Variants in TSPAN13 observed in about 807,000 individuals in gnomAD.
The protein encoded by TSPAN13 is tetraspanin-13.
TSPAN13 carries 18 observed loss-of-function variants against 26.9 expected under a neutral mutation model. That is an observed-to-expected ratio of 0.67 (90% CI 0.46 to 0.99). TSPAN13 has a LOEUF of 0.99. TSPAN13 is among the 50% of genes least tolerant of loss of function. The pLI is 0.00. For missense variants in TSPAN13, 201 were observed against 249.6 expected (o/e 0.81, Z 1.31); for synonymous variants, 116 against 98.4 (o/e 1.18, Z -1.06).
In TSPAN13 at chr7:16,753,800, G is replaced by A. The variant is rs1784448615; in HGVS notation, c.-168G>A. ...GCAGGTTCCAAAGCGGGTCCGAGCC[G>A]CCGCCGCGCGCGCGCCGCGCACTGC... On this transcript the variant is annotated 5_prime_UTR_variant, in exon 1 of 6. Transcript: ENST00000262067. 6.1e-6 allele frequency: 3 copies of A among 495,638 alleles called. No homozygotes were observed. Among genetic ancestry groups the A allele is most frequent in the South Asian group, 5.0e-5 (2 of 39,974 alleles). 30.7% of individuals were successfully genotyped at this position (495,638 alleles called of 1,614,324 possible).
chr7:16,770,393 A>G (rs938888506), intron 1 of TSPAN13, among the ~76,000 whole-genome samples: 4 of 152,008 alleles, frequency 2.6e-5, no homozygotes, highest in Non-Finnish European at 5.9e-5. Context: ...ATATTTTGGT[A>G]GAGACAGAGT....
chr7:16,773,043 C>T (rs950374786), intron 1 of TSPAN13, among the ~76,000 whole-genome samples: 1 of 151,358 alleles, frequency 6.6e-6, no homozygotes, highest in African/African-American at 2.4e-5. Flanking sequence ...AATACTTATT[C>T]TTTTACTACT....
chr7:16,764,240 G>T (rs1784581702), intron 1 of TSPAN13, among the ~76,000 whole-genome samples: 1 of 151,760 alleles, frequency 6.6e-6, no homozygotes, highest in African/African-American at 2.4e-5. Flanking sequence ...TGCTGGCCAG[G>T]CTGGTCTCAA....
Position 16,753,855 on chromosome 7 carries a change from C to T in TSPAN13, c.-113C>T. 8.4e-7 allele frequency: 1 copy of T among 1,186,536 alleles called. No homozygotes were observed. Among genetic ancestry groups the T allele is most frequent in the Non-Finnish European group, 1.2e-6 (1 of 818,242 alleles). 73.5% of individuals were successfully genotyped at this position (1,186,536 alleles called of 1,614,324 possible). On this transcript the variant is annotated 5_prime_UTR_variant, in exon 1 of 6. Transcript: ENST00000262067. ...CCAGGCCCCGGCCCCCCACCCACGT[C>T]TGCGTTGCTGCCCCGCCTGGGCCAG...
chr7:16,763,387 T>A (rs1258857095), intron 1 of TSPAN13, among the ~76,000 whole-genome samples: 1 of 152,182 alleles, frequency 6.6e-6, no homozygotes, highest in East Asian at 1.9e-4. Context: ...ACTTCATGGG[T>A]TATAGATGTT....
At chr7:16,771,104 G>A (rs1784672717) in intron 1 of TSPAN13, among the ~76,000 whole-genome samples, 1 of 152,122 alleles carries the variant, frequency 6.6e-6, no homozygotes, top group Admixed American at 6.5e-5. Flanking sequence ...TCTGATCCAG[G>A]AACTCCTTCC....
intron 1 of TSPAN13, among the ~76,000 whole-genome samples, chr7:16,756,321 G>A (rs926046204): frequency 6.6e-6 from 1 of 152,186 alleles, no homozygotes; most frequent in Non-Finnish European, 1.5e-5. Context: ...TCCCACCCTG[G>A]TCACTGCCTC....
intron 1 of TSPAN13, among the ~76,000 whole-genome samples, chr7:16,756,043 G>T (rs2115318977): frequency 6.6e-6 from 1 of 152,258 alleles, no homozygotes; most frequent in East Asian, 1.9e-4. Context: ...TGAATTAGTG[G>T]CTGCTTGCTT....
intron 5 of TSPAN13, among the ~76,000 whole-genome samples, chr7:16,780,776 A>G (rs1213828533): frequency 6.6e-6 from 1 of 152,174 alleles, no homozygotes; most frequent in African/African-American, 2.4e-5. Context: ...GCCTTCAGTT[A>G]TGCTATTTTT....
At chr7:16,769,246 T>A (rs903095817) in intron 1 of TSPAN13, among the ~76,000 whole-genome samples, 4 of 152,182 alleles carry the variant, frequency 2.6e-5, no homozygotes, top group African/African-American at 9.7e-5. Flanking sequence ...AGAGTCAGGC[T>A]CAAGTTTTGC....
At chr7:16,771,353 C>T (rs1356156622) in intron 1 of TSPAN13, among the ~76,000 whole-genome samples, 1 of 152,216 alleles carries the variant, frequency 6.6e-6, no homozygotes, top group Non-Finnish European at 1.5e-5. Context: ...ACCACACACT[C>T]CAAAAAGTCG....
chr7:16,783,006 G>A (rs533387349), intron 5 of TSPAN13, among the ~76,000 whole-genome samples: 18 of 152,164 alleles, frequency 1.2e-4, no homozygotes, highest in Middle Eastern at 3.4e-3. Flanking sequence ...CTGCCATCAC[G>A]GTGTCTTCTC....
chr7:16,753,824 G>GCAGCCCCAGGCCC lies in TSPAN13; in HGVS notation c.-142_-130dup. The stretch of plus-strand genomic sequence containing the variant: ...CGCCGCCGCGCGCGCGCCGCGCACT[G>GCAGCCCCAGGCCC]CAGCCCCAGGCCCCGGCCCCCCACC... On this transcript the variant is annotated 5_prime_UTR_variant, in exon 1 of 6. Transcript: ENST00000262067. The GCAGCCCCAGGCCC allele has an allele frequency of 1.2e-6, 1 of 854,144 alleles. No homozygotes were observed. The highest frequency in any genetic ancestry group is 1.9e-6 in the Non-Finnish European group (1 of 535,718). 52.9% of individuals were successfully genotyped at this position (854,144 alleles called of 1,614,324 possible).
At chr7:16,773,638 A>G (rs983449583) in intron 1 of TSPAN13, among the ~76,000 whole-genome samples, 1 of 152,208 alleles carries the variant, frequency 6.6e-6, no homozygotes, top group Non-Finnish European at 1.5e-5. Context: ...GTCGGTGAAT[A>G]ATTAACTTTT....
rs563157609 is a variant in TSPAN13 at position 16,756,518 on chromosome 7, CT to C, written c.63+2489del. On this transcript the variant is annotated intron_variant, in intron 1 of 5. Transcript: ENST00000262067. The stretch of plus-strand genomic sequence containing the variant: ...ATGCTCTGGTGGCTTGCTGATGAGC[CT>C]GAGATTCGTGCCACATTCATGATCA... Among the ~76,000 whole-genome samples the C allele has an allele frequency of 1.8e-4, 27 of 152,282 alleles. 1 individual carries two copies. In the South Asian group the frequency reaches 4.4e-3, roughly 25 times the overall value.
intron 1 of TSPAN13, among the ~76,000 whole-genome samples, chr7:16,761,492 G>T (rs762683266): frequency 1.3e-5 from 2 of 152,054 alleles, no homozygotes; most frequent in African/African-American, 4.8e-5. Context: ...TGAATGTTGA[G>T]GCATATTGAG....
chr7:16,776,395 T>C lies in TSPAN13; in HGVS notation c.231+17T>C. On this transcript the variant is annotated intron_variant, in intron 2 of 5. Coordinates refer to ENST00000262067, the MANE Select transcript of TSPAN13 (RefSeq NM_014399.4). ...CTATTTTTTGTATCCTTTTTAAAAA[T>C]CAAGATTTTACTCTTGATGACTATT... The C allele has an allele frequency of 6.2e-7, 1 of 1,605,042 alleles. No homozygotes were observed. The highest frequency in any genetic ancestry group is 8.5e-7 in the Non-Finnish European group (1 of 1,174,806).
intron 1 of TSPAN13, among the ~76,000 whole-genome samples, chr7:16,754,258 C>T (rs1274842775): frequency 1.3e-5 from 2 of 152,210 alleles, no homozygotes; most frequent in Non-Finnish European, 2.9e-5. Context: ...GTCTCTCAGG[C>T]TCGCTGGCCG....
At chr7:16,783,191 C>T (rs4517018) in intron 5 of TSPAN13, among the ~76,000 whole-genome samples, 27,083 of 151,966 alleles carry the variant, frequency 0.18, 2,586 homozygotes, top group East Asian at 0.4. Flanking sequence ...AGGACATGGA[C>T]ATCCTTCAGG....
Sources: gnomAD v4.1 joint callset for allele counts (sites outside exome capture counted in the v4.1 genomes callset) on GRCh38, gnomAD v4.1.1 for gene constraint, MANE v1.5 for transcripts, NCBI Gene and HGNC (gene_info 2026-07-23, HGNC 2026-07-21) for gene names.